PLA2G3: variants seen among roughly 807,000 people sequenced by gnomAD.
PLA2G3 encodes group 3 secretory phospholipase A2.
PLA2G3 carries 39 observed loss-of-function variants against 51.3 expected under a neutral mutation model. That is an observed-to-expected ratio of 0.76 (90% CI 0.59 to 0.99). The LOEUF is 0.99. PLA2G3 is among the 50% of genes least tolerant of loss of function. The pLI is 0.00. For synonymous variants in PLA2G3, 293 were observed against 263.1 expected (o/e 1.11, Z -1.10); for missense variants, 677 against 662.1 (o/e 1.02, Z -0.25).
Position 31,140,465 on chromosome 22 carries a change from G to T in PLA2G3, c.-111C>A. The T allele has an allele frequency of 8.0e-7, 1 of 1,254,756 alleles. No homozygotes were observed. Among genetic ancestry groups the T allele is most frequent in the Non-Finnish European group, 1.1e-6 (1 of 915,768 alleles). 77.7% of individuals were successfully genotyped at this position (1,254,756 alleles called of 1,614,324 possible). On this transcript the variant is annotated 5_prime_UTR_variant, in exon 1 of 7. Transcript: ENST00000215885. ...GGAAGCGGAGCCCAGCAGGCCCGGT[G>T]CGGCGGGACCAATGAATGGAGCTGC...
intron 6 of PLA2G3, among the ~76,000 whole-genome samples, 192 bp downstream of exon 6, chr22:31,136,491 A>G (rs758524025): frequency 2.6e-5 from 4 of 152,218 alleles, no homozygotes; most frequent in Admixed American, 6.5e-5. Flanking sequence ...GACAAAGCCA[A>G]GATGCGACCC....
chr22:31,138,275 C>A lies in PLA2G3; in HGVS notation c.782+1G>T. The A allele has an allele frequency of 6.2e-7, 1 of 1,613,290 alleles. No homozygotes were observed. The highest frequency in any genetic ancestry group is 8.5e-7 in the Non-Finnish European group (1 of 1,179,748). On this transcript the variant is annotated splice_donor_variant, in intron 3 of 6. Transcript: ENST00000215885. LOFTEE classifies it high-confidence loss of function. ...AGGGACATGAGGGGGTGGCCACGTA[C>A]CCGCCCCACCAGTACCACGCCACAC... is the stretch of plus-strand genomic sequence containing the variant.
rs777428734 is a variant in PLA2G3 at position 31,138,268 on chromosome 22, C to T, written c.782+8G>A. On this transcript the variant is annotated splice_region_variant and intron_variant, in intron 3 of 6. Transcript: ENST00000215885. ...TCTGGAAAGGGACATGAGGGGGTGG[C>T]CACGTACCCGCCCCACCAGTACCAC... 3.7e-6 allele frequency: 6 copies of T among 1,612,488 alleles called. No homozygotes were observed. In the South Asian group the frequency reaches 5.5e-5, roughly 15 times the overall value.
Position 31,138,799 on chromosome 22 carries a change from C to T in PLA2G3, c.515G>A (p.Gly172Glu), listed in dbSNP as rs772113313. 1 of 1,614,002 alleles carries T rather than the reference C, an allele frequency of 6.2e-7. No homozygotes were observed. The highest frequency in any genetic ancestry group is 8.5e-7 in the Non-Finnish European group (1 of 1,179,984). Residue 172 changes from glycine (G) to glutamate (E), a missense_variant and splice_region_variant, in exon 2 of 7, where the codon GGG becomes GAG. Physicochemically the swap from Gly to Glu is moderately conservative, Grantham distance 98. Coordinates refer to ENST00000215885, the MANE Select transcript of PLA2G3 (RefSeq NM_015715.5). Reference sequence around the variant, plus strand: ...ACAGAGATCAGGTCCCTGGAAGACCCCTGCAGGGAGGGGAGGGGAGAGGGC... The same window carrying T: ...ACAGAGATCAGGTCCCTGGAAGACCTCTGCAGGGAGGGGAGGGGAGAGGGC... The part of the protein sequence containing the change: ...GDSAGNSSEL[G>E]VFQGPDLCCR...
chr22:31,138,693 G>A lies in PLA2G3; in HGVS notation c.621C>T (p.Thr207=). ...NYGIRNYRFH[T]ISHCDCDTRF... is the part of the protein sequence containing the mutation. ...TGGTGTCACAGTCACAGTGGGAGAT[G>A]GTGTGGAATCGGTAGTTTCGGATGC... Residue 207 remains threonine (T), a synonymous_variant, in exon 2 of 7, where the codon ACC becomes ACT. Transcript: ENST00000215885. 6.2e-7 allele frequency: 1 copy of A among 1,614,146 alleles called. No individual in the cohort carries two copies. Among genetic ancestry groups the A allele is most frequent in the Non-Finnish European group, 8.5e-7 (1 of 1,180,000 alleles).
Position 31,137,913 on chromosome 22 carries a change from G to T in PLA2G3, c.863C>A (p.Thr288Asn), listed in dbSNP as rs747891086. 19 of 1,613,426 alleles carry T rather than the reference G, an allele frequency of 1.2e-5. No homozygotes were observed. Among genetic ancestry groups the T allele is most frequent in the Non-Finnish European group, 1.6e-5 (19 of 1,179,726 alleles). Residue 288 changes from threonine to asparagine, a missense_variant, in exon 4 of 7, where the codon ACC (threonine) becomes AAC (asparagine). Physicochemically the swap from Thr to Asn is moderately conservative, Grantham distance 65. Transcript: ENST00000215885. ...FYNASWSSRA[T>N]SPTPSSRSPA... is the part of the protein sequence containing the mutation. Reference sequence around the variant, plus strand: ...GCTCCGGGAGCTGGGAGTTGGGGAGGTGGCCCGGGAGCTCCAGGAGGCATT... The same window carrying T: ...GCTCCGGGAGCTGGGAGTTGGGGAGTTGGCCCGGGAGCTCCAGGAGGCATT...
Position 31,135,954 on chromosome 22 carries a change from T to C in PLA2G3, c.1317-18A>G. On this transcript the variant is annotated intron_variant, in intron 6 of 6. Coordinates refer to ENST00000215885, the MANE Select transcript of PLA2G3 (RefSeq NM_015715.5). ...TGGAACAGCTGTAAGGAGAGAAGAG[T>C]GGGGCAGATGATCAGGGCTGACAAG... 6.3e-7 allele frequency: 1 copy of C among 1,596,354 alleles called. No individual in the cohort carries two copies. Among genetic ancestry groups the C allele is most frequent in the Non-Finnish European group, 8.6e-7 (1 of 1,166,306 alleles).
At chr22:31,135,978 A>G in intron 6 of PLA2G3, 42 bp from the exon 7 acceptor site, 1 of 1,523,408 alleles carries the variant, frequency 6.6e-7, no homozygotes, top group Non-Finnish European at 9.1e-7. Flanking sequence ...AGGGCTGACA[A>G]GGATCCCACC....
chr22:31,136,656 A>C, intron 6 of PLA2G3, 27 bp downstream of exon 6: 1 of 1,584,628 alleles, frequency 6.3e-7, no homozygotes, highest in South Asian at 1.1e-5. Flanking sequence ...AAAACCCCCC[A>C]TCCCTCCTGG....
At position 31,140,179 on chromosome 22, in the gene PLA2G3, T is replaced by G. The variant is rs138057115; in HGVS notation, c.176A>C (p.His59Pro). 9 of 1,612,466 alleles carry G rather than the reference T, an allele frequency of 5.6e-6. No homozygotes were observed. The highest frequency in any genetic ancestry group is 6.8e-6 in the Non-Finnish European group (8 of 1,179,902). Residue 59 changes from histidine to proline, a missense_variant, in exon 1 of 7, where the codon CAT (histidine) becomes CCT (proline). Coordinates refer to ENST00000215885, the MANE Select transcript of PLA2G3 (RefSeq NM_015715.5). ...AKDAQGLALIHARWDAHRRLQ... is the reference protein window; with the variant it reads ...AKDAQGLALIPARWDAHRRLQ... ...CCTCCTATGCGCATCCCAGCGGGCA[T>G]GGATCAGGGCCAGTCCCTGAGCATC... is the stretch of plus-strand genomic sequence containing the variant.
At chr22:31,137,617 G>A in intron 4 of PLA2G3, 93 bp downstream of exon 4, 2 of 1,144,286 alleles carry the variant, frequency 1.7e-6, no homozygotes, top group South Asian at 3.1e-5. Flanking sequence ...GAGGAAACTG[G>A]TGCAGGAAAA....
At chr22:31,139,750 G>T in intron 1 of PLA2G3, 91 bp downstream of exon 1, 1 of 845,918 alleles carries the variant, frequency 1.2e-6, no homozygotes, top group Non-Finnish European at 1.8e-6. Context: ...ACTCCCCCAG[G>T]GACACACAGC....
chr22:31,140,508 G>A lies in PLA2G3; in HGVS notation c.-154C>T, dbSNP rs1044838533. On this transcript the variant is annotated 5_prime_UTR_variant, in exon 1 of 7. Coordinates refer to ENST00000215885, the MANE Select transcript of PLA2G3 (RefSeq NM_015715.5). ...GGAGCTGCGGGAGGAGGAGGAAAGA[G>A]GCTGGAGTATGGGGTGATCTTGGGC... 3.7e-6 allele frequency: 3 copies of A among 815,758 alleles called. No homozygotes were observed. Among genetic ancestry groups the A allele is most frequent in the African/African-American group, 1.7e-5 (1 of 57,804 alleles). 50.5% of individuals were successfully genotyped at this position (815,758 alleles called of 1,614,324 possible).
chr22:31,138,611 A>T, intron 2 of PLA2G3, 56 bp downstream of exon 2: 3 of 1,586,312 alleles, frequency 1.9e-6, no homozygotes, highest in South Asian at 1.1e-5. Flanking sequence ...GTTACCCAGG[A>T]ACTGGGTAAC....
intron 3 of PLA2G3, 113 bp from the exon 4 acceptor site, chr22:31,138,106 G>C (rs1922693926): frequency 1.1e-5 from 15 of 1,347,656 alleles, no homozygotes; most frequent in Non-Finnish European, 1.5e-5. Flanking sequence ...CATCCCGCTG[G>C]GTTGTGGGGG....
chr22:31,138,914 C>A, intron 1 of PLA2G3, 115 bp from the exon 2 acceptor site: 1 of 949,984 alleles, frequency 1.1e-6, no homozygotes, highest in South Asian at 1.6e-5. Flanking sequence ...CCAGCCCTGA[C>A]ACAAACGCCA....
At position 31,140,444 on chromosome 22, in the gene PLA2G3, G is replaced by A; in HGVS notation, c.-90C>T. 1.4e-6 allele frequency: 2 copies of A among 1,446,490 alleles called. No homozygotes were observed. The highest frequency in any genetic ancestry group is 1.4e-5 in the South Asian group (1 of 73,372). 89.6% of individuals were successfully genotyped at this position (1,446,490 alleles called of 1,614,324 possible). A position where few individuals can be genotyped will look rare whatever the true frequency, so the allele number is the denominator to read the frequency against. Reference sequence around the variant, plus strand: ...GCGGCAGCTGAGCAGTGGAACGGAAGCGGAGCCCAGCAGGCCCGGTGCGGC... The same window carrying A: ...GCGGCAGCTGAGCAGTGGAACGGAAACGGAGCCCAGCAGGCCCGGTGCGGC... On this transcript the variant is annotated 5_prime_UTR_variant, in exon 1 of 7. Coordinates refer to ENST00000215885, the MANE Select transcript of PLA2G3 (RefSeq NM_015715.5).
In PLA2G3 at chr22:31,140,392, G is replaced by A. The variant is rs763227709; in HGVS notation, c.-38C>T. The A allele has an allele frequency of 5.9e-6, 9 of 1,521,942 alleles. No individual in the cohort carries two copies. The highest frequency in any genetic ancestry group is 4.5e-5 in the East Asian group (2 of 44,230). The allele number at this position is 1,521,942 out of a possible 1,614,324, so 94.3% of individuals were successfully genotyped here. On this transcript the variant is annotated 5_prime_UTR_variant, in exon 1 of 7. Transcript: ENST00000215885. ...CAGTCCAGTCAGACAAAGCCCCTGG[G>A]ATGCCTGCCCTTGGTGGCCCCACCA...
intron 1 of PLA2G3, 122 bp from the exon 2 acceptor site, chr22:31,138,921 G>A (rs1370542936): frequency 4.6e-6 from 4 of 860,562 alleles, no homozygotes; most frequent in South Asian, 1.6e-5. Flanking sequence ...TGACACAAAC[G>A]CCATGAGGGT....
Sources: gnomAD v4.1 joint callset for allele counts (sites outside exome capture counted in the v4.1 genomes callset) on GRCh38, gnomAD v4.1.1 for gene constraint, MANE v1.5 for transcripts, NCBI Gene and HGNC (gene_info 2026-07-23, HGNC 2026-07-21) for gene names.